Variants in RYR2 observed in about 807,000 individuals in gnomAD.
RYR2 encodes ryanodine receptor 2, also known as cardiac muscle ryanodine receptor-calcium release channel.
Under a neutral mutation model 601.1 loss-of-function variants are expected in RYR2, and 227 were observed. The ratio of observed to expected loss-of-function variants is 0.38; its 90% CI spans 0.34 to 0.42. The LOEUF is 0.42. Among genes scored for constraint, RYR2 ranks in the 10% least tolerant of loss-of-function variants. The pLI is 1.00. For missense variants in RYR2, 4,646 were observed against 6,156.5 expected (o/e 0.75, Z 8.21); for synonymous variants, 2,223 against 2,175.1 (o/e 1.02, Z -0.61).
intron 102 of RYR2, chr1:237,830,192 G>A (rs914336856): frequency 4.5e-6 from 1 of 223,312 alleles, no homozygotes; most frequent in Non-Finnish European, 9.1e-6. Context: ...GATAACTTTA[G>A]TCAATGTCAT....
intron 1 of RYR2, among the ~76,000 whole-genome samples, chr1:237,262,055 A>C (rs1381509345): frequency 1.3e-5 from 2 of 151,998 alleles, no homozygotes; most frequent in African/African-American, 2.4e-5. Flanking sequence ...ATATCTTTTA[A>C]ATGATGAATG....
At chr1:237,797,959 T>A in intron 96 of RYR2, 78 bp from the exon 97 acceptor site, 2 of 1,262,750 alleles carry the variant, frequency 1.6e-6, no homozygotes, top group East Asian at 5.1e-5. Flanking sequence ...ATAAAAATAA[T>A]TAGATGTTTT....
At chr1:237,498,232 G>T (rs1664277747) in intron 20 of RYR2, among the ~76,000 whole-genome samples, 1 of 151,954 alleles carries the variant, frequency 6.6e-6, no homozygotes, top group Admixed American at 6.6e-5. Flanking sequence ...GCTGTGTTTT[G>T]CATATTTCAT....
At position 237,742,285 on chromosome 1, in the gene RYR2, T is replaced by TA. The variant is rs752640368; in HGVS notation, c.11092-8dup. On this transcript the variant is annotated splice_polypyrimidine_tract_variant and intron_variant, in intron 79 of 104. Coordinates refer to ENST00000366574, the MANE Select transcript of RYR2 (RefSeq NM_001035.3). ...TTCCTGTCTCCTTTTTTTTTTTTTT[T>TA]AAATATACAGAGTTGTCATGATGAG... 3 of 1,488,992 alleles carry TA rather than the reference T, an allele frequency of 2.0e-6. No homozygotes were observed. Among genetic ancestry groups the TA allele is most frequent in the Admixed American group, 2.3e-5 (1 of 43,870 alleles). The allele number at this position is 1,488,992 out of a possible 1,614,324, so 92.2% of individuals were successfully genotyped here.
At chr1:237,711,883 G>T in intron 71 of RYR2, 46 bp downstream of exon 71, 2 of 875,868 alleles carry the variant, frequency 2.3e-6, no homozygotes, top group South Asian at 1.5e-5. Context: ...ATCTGAATGT[G>T]ACTTTCATGA....
rs113218902 is a variant in RYR2, at chr1:237,179,565, G to T, written c.49-90932G>T. On this transcript the variant is annotated intron_variant, in intron 1 of 104. Transcript: ENST00000366574. Reference sequence around the variant, plus strand: ...CTGTTCCACTGAACTCTTTATCTGCGTTATTTCATGTAATGCCCCAGCATC... The same window carrying T: ...CTGTTCCACTGAACTCTTTATCTGCTTTATTTCATGTAATGCCCCAGCATC... Among the ~76,000 whole-genome samples, 1,207 of 152,124 alleles carry T rather than the reference G, an allele frequency of 7.9e-3. 39 individuals carry two copies. The highest frequency in any genetic ancestry group is 0.028 in the African/African-American group (1,162 of 41,420).
intron 34 of RYR2, among the ~76,000 whole-genome samples, chr1:237,597,954 C>G (rs1676068253): frequency 6.6e-6 from 1 of 152,062 alleles, no homozygotes; most frequent in Admixed American, 6.6e-5. Context: ...CCTTTAAGGA[C>G]AGACATAGCC....
At chr1:237,224,776 C>A (rs1234458962) in intron 1 of RYR2, among the ~76,000 whole-genome samples, 3 of 152,154 alleles carry the variant, frequency 2.0e-5, no homozygotes, top group Non-Finnish European at 4.4e-5. Context: ...GGGAAGATCA[C>A]TTGAGCCCAG....
intron 1 of RYR2, among the ~76,000 whole-genome samples, chr1:237,225,307 T>C (rs1684240981): frequency 6.6e-6 from 1 of 152,096 alleles, no homozygotes; most frequent in Non-Finnish European, 1.5e-5. Context: ...TCGTCCGTTT[T>C]CGCGCTGCTC....
intron 38 of RYR2, among the ~76,000 whole-genome samples, chr1:237,619,443 C>T (rs1377562708): frequency 6.6e-6 from 1 of 152,012 alleles, no homozygotes; most frequent in African/African-American, 2.4e-5. Flanking sequence ...AATCAGTGAA[C>T]TGAAGAGAGG....
intron 10 of RYR2, among the ~76,000 whole-genome samples, chr1:237,404,211 A>G (rs984380712): frequency 2.0e-5 from 3 of 152,164 alleles, no homozygotes; most frequent in African/African-American, 7.2e-5. Context: ...CTGTGATTGC[A>G]ACACTGCTAC....
intron 2 of RYR2, among the ~76,000 whole-genome samples, chr1:237,301,172 A>G (rs1053555719): frequency 2.0e-5 from 3 of 152,170 alleles, no homozygotes; most frequent in Non-Finnish European, 2.9e-5. Context: ...TTTAAAAACC[A>G]CAATCTCATA....
chr1:237,426,470 G>A (rs1706162398), intron 12 of RYR2, among the ~76,000 whole-genome samples: 2 of 152,086 alleles, frequency 1.3e-5, no homozygotes, highest in African/African-American at 4.8e-5. Flanking sequence ...TAGCAGAGGG[G>A]TGGGAATTTG....
At chr1:237,803,616 C>T (rs570679817) in intron 98 of RYR2, among the ~76,000 whole-genome samples, 4 of 152,204 alleles carry the variant, frequency 2.6e-5, no homozygotes, top group Middle Eastern at 6.8e-3. Context: ...TTCTTAATGC[C>T]TCCTTAGATT....
intron 24 of RYR2, 40 bp downstream of exon 24, chr1:237,511,831 C>A: frequency 3.0e-6 from 2 of 668,824 alleles, no homozygotes; most frequent in South Asian, 4.1e-5. Flanking sequence ...ACCTGCCTTC[C>A]CTGAAAAAAA....
chr1:237,817,452 G>A (rs370594428), intron 100 of RYR2, among the ~76,000 whole-genome samples: 13 of 152,126 alleles, frequency 8.5e-5, no homozygotes, highest in Admixed American at 2.0e-4. Flanking sequence ...TGTGCTGGAC[G>A]TTATTTTAGG....
intron 25 of RYR2, among the ~76,000 whole-genome samples, chr1:237,543,151 A>G (rs2148045584): frequency 6.6e-6 from 1 of 152,312 alleles, no homozygotes; most frequent in African/African-American, 2.4e-5. Context: ...TCCAAAAGCC[A>G]AGTATAGCTT....
intron 87 of RYR2, among the ~76,000 whole-genome samples, chr1:237,775,706 T>C (rs1025015872): frequency 6.6e-6 from 1 of 152,188 alleles, no homozygotes; most frequent in Admixed American, 6.5e-5. Context: ...TTGTCAAGGT[T>C]CCTACAGTAA....
In RYR2 at chr1:237,474,807, G is replaced by T. The variant is rs185128869; in HGVS notation, c.1708+5620G>T. On this transcript the variant is annotated intron_variant, in intron 17 of 104. Transcript: ENST00000366574. ...CATAAGAGAAGACACCTCACAGGAA[G>T]GAGGGACTGAGGAAAGGAGAAATGG... Among the ~76,000 whole-genome samples the T allele has an allele frequency of 1.7e-3, 252 of 152,324 alleles. 1 individual carries two copies. Among genetic ancestry groups the T allele is most frequent in the African/African-American group, 5.7e-3 (235 of 41,566 alleles).
Sources: gnomAD v4.1 joint callset for allele counts (sites outside exome capture counted in the v4.1 genomes callset) on GRCh38, gnomAD v4.1.1 for gene constraint, MANE v1.5 for transcripts, NCBI Gene and HGNC (gene_info 2026-07-23, HGNC 2026-07-21) for gene names.